Variants in THAP6 observed in about 807,000 individuals in gnomAD.
THAP6 encodes THAP domain containing 6.
THAP6 carries 13 observed loss-of-function variants against 20.0 expected under a neutral mutation model. The ratio of observed to expected loss-of-function variants is 0.65; its 90% confidence interval spans 0.42 to 1.03. The LOEUF is 1.03. THAP6 is among the 50% of genes least tolerant of loss of function. THAP6 has a pLI of 0.00. For missense variants in THAP6, 262 were observed against 261.6 expected, an observed-to-expected ratio of 1.00 and a Z score of -0.01; for synonymous variants, 93 against 92.2, an observed-to-expected ratio of 1.01 and a Z score of -0.05.
Position 75,527,258 on chromosome 4 carries a change from A to C in THAP6, c.*44A>C. The C allele has an allele frequency of 6.4e-7, 1 of 1,572,066 alleles. No individual in the cohort carries two copies. Among genetic ancestry groups the C allele is most frequent in the African/African-American group, 1.4e-5 (1 of 73,214 alleles). Reference sequence around the variant, plus strand: ...TCCACCTAAAATTGTCATTGGTACAAATTTTTATAAAATCTCATTTACCAT... The same window carrying C: ...TCCACCTAAAATTGTCATTGGTACACATTTTTATAAAATCTCATTTACCAT... On this transcript the variant is annotated 3_prime_UTR_variant, in exon 5 of 5. Coordinates refer to ENST00000311638, the MANE Select transcript of THAP6 (RefSeq NM_144721.6).
chr4:75,532,416 C>A (rs1223586342), downstream of THAP6, among the ~76,000 whole-genome samples: 3 of 152,238 alleles, frequency 2.0e-5, no homozygotes, highest in Admixed American at 6.5e-5. Flanking sequence ...CTCCTGGCTG[C>A]CTTTATGGGC....
chr4:75,533,814 A>C (rs914007397), downstream of THAP6, among the ~76,000 whole-genome samples: 1 of 151,960 alleles, frequency 6.6e-6, no homozygotes, highest in African/African-American at 2.4e-5. Context: ...CACAACATGC[A>C]GGTTCCTTAC....
intron 2 of THAP6, 102 bp downstream of exon 2, chr4:75,515,634 C>A: frequency 9.4e-7 from 1 of 1,058,342 alleles, no homozygotes; most frequent in Non-Finnish European, 1.4e-6. Context: ...TTCCCGAGTC[C>A]TTTTTAAATA....
chr4:75,525,275 G>A (rs998551410), intron 4 of THAP6, among the ~76,000 whole-genome samples: 1 of 151,932 alleles, frequency 6.6e-6, no homozygotes, highest in African/African-American at 2.4e-5. Flanking sequence ...GTGTATATTA[G>A]GCTGTCTGAA....
intron 2 of THAP6, among the ~76,000 whole-genome samples, chr4:75,537,693 A>C (rs956847694): frequency 6.6e-6 from 1 of 152,176 alleles, no homozygotes; most frequent in African/African-American, 2.4e-5. Flanking sequence ...TGCAGATTTG[A>C]TTAAATTAAG....
chr4:75,532,244 A>G (rs1215781762), downstream of THAP6, among the ~76,000 whole-genome samples: 1 of 152,224 alleles, frequency 6.6e-6, no homozygotes. Context: ...AAGAGGCTAC[A>G]GGCCCCATGC....
chr4:75,530,627 C>T (rs1726651101), downstream of THAP6, among the ~76,000 whole-genome samples: 1 of 152,148 alleles, frequency 6.6e-6, no homozygotes, highest in Non-Finnish European at 1.5e-5. Context: ...ATAACAGAAG[C>T]AAGATCATTA....
chr4:75,531,211 A>G (rs1726669146), downstream of THAP6, among the ~76,000 whole-genome samples: 1 of 152,170 alleles, frequency 6.6e-6, no homozygotes, highest in Non-Finnish European at 1.5e-5. Flanking sequence ...TGGATTTGAG[A>G]ATCTGTTAGG....
chr4:75,536,528 T>G (rs1284151993), intron 2 of THAP6, among the ~76,000 whole-genome samples: 1 of 152,158 alleles, frequency 6.6e-6, no homozygotes, highest in Non-Finnish European at 1.5e-5. Flanking sequence ...TTAATTTATT[T>G]TATTTAGTTA....
intron 3 of THAP6, chr4:75,542,553 G>A: frequency 1.5e-6 from 1 of 672,074 alleles, no homozygotes; most frequent in South Asian, 1.6e-5. Context: ...ACCCTATAAG[G>A]TAGGTACTAT....
downstream of THAP6, among the ~76,000 whole-genome samples, chr4:75,531,727 C>T (rs1426173623): frequency 6.6e-6 from 1 of 151,596 alleles, no homozygotes; most frequent in Non-Finnish European, 1.5e-5. Context: ...AGGAGCAAGT[C>T]ACATCTTACA....
At chr4:75,544,373 A>G (rs1198373778) in intron 3 of THAP6, 1 of 151,992 alleles carries the variant, frequency 6.6e-6, no homozygotes, top group Non-Finnish European at 1.5e-5. Context: ...CAGTGGCGCA[A>G]TCTCGGCTCA....
rs1012085603 is a variant in THAP6, at chr4:75,514,504, A to G, written c.-37A>G. The G allele has an allele frequency of 1.9e-6, 1 of 524,764 alleles. No homozygotes were observed. The highest frequency in any genetic ancestry group is 3.4e-6 in the Non-Finnish European group (1 of 290,862). The allele number at this position is 524,764 out of a possible 1,614,324, so 32.5% of individuals were successfully genotyped here. A position where few individuals can be genotyped will look rare whatever the true frequency, so the allele number is the denominator to read the frequency against. ...AGTCTCCGTCGTTGACGTTAGTCGC[A>G]GTCTTCGCTGCTAACGGTAATAACT... On this transcript the variant is annotated 5_prime_UTR_variant, in exon 1 of 5. Transcript: ENST00000311638.
At chr4:75,546,839 G>A (rs894155981) in intron 3 of THAP6, among the ~76,000 whole-genome samples, 5 of 152,272 alleles carry the variant, frequency 3.3e-5, no homozygotes, top group South Asian at 2.1e-4. Context: ...AGGGCCATCC[G>A]TTTACTCAAA....
At chr4:75,543,155 C>T in intron 3 of THAP6, 1 of 152,326 alleles carries the variant, frequency 6.6e-6, no homozygotes. Flanking sequence ...TACTCAGCCA[C>T]TGGAACTGAC....
upstream of THAP6, chr4:75,514,465 G>A (rs376664965): frequency 4.8e-6 from 3 of 621,988 alleles, no homozygotes; most frequent in Non-Finnish European, 5.3e-6. Context: ...CGAGGCGGAA[G>A]CGAAGGCAGA....
Position 75,529,628 on chromosome 4 carries a change from A to G in THAP6, c.*2414A>G, listed in dbSNP as rs1288484071. On this transcript the variant is annotated 3_prime_UTR_variant, in exon 5 of 5. Coordinates refer to ENST00000311638, the MANE Select transcript of THAP6 (RefSeq NM_144721.6). ...GTTCCCAGAGATTCCACCCTAGCCCAGGAAAGAACTGGCCTGTGTAAAGCA... is the reference window on the plus strand; with the variant it reads ...GTTCCCAGAGATTCCACCCTAGCCCGGGAAAGAACTGGCCTGTGTAAAGCA... 3.0e-6 allele frequency: 3 copies of G among 985,300 alleles called. No individual in the cohort carries two copies. Among genetic ancestry groups the G allele is most frequent in the Middle Eastern group, 5.2e-4 (1 of 1,936 alleles). The allele number at this position is 985,300 out of a possible 1,614,324, so 61.0% of individuals were successfully genotyped here. A position where few individuals can be genotyped will look rare whatever the true frequency, so the allele number is the denominator to read the frequency against.
chr4:75,514,553 A>C, intron 1 of THAP6, 33 bp downstream of exon 1: 57 of 338,112 alleles, frequency 1.7e-4, no homozygotes, highest in East Asian at 4.6e-4. Context: ...TTTTCCCCCA[A>C]TCGCTACCCG....
At chr4:75,539,541 A>G (rs1726950838) in intron 2 of THAP6, among the ~76,000 whole-genome samples, 1 of 152,202 alleles carries the variant, frequency 6.6e-6, no homozygotes, top group Non-Finnish European at 1.5e-5. Flanking sequence ...AATAGAACAT[A>G]AGTTTGTCAG....
Sources: gnomAD v4.1 joint callset for allele counts (sites outside exome capture counted in the v4.1 genomes callset) on GRCh38, gnomAD v4.1.1 for gene constraint, MANE v1.5 for transcripts, NCBI Gene and HGNC (gene_info 2026-07-23, HGNC 2026-07-21) for gene names.